Variants in CEP192 observed in about 807,000 individuals in gnomAD.
The protein encoded by CEP192 is centrosomal protein 192.
A neutral mutation model predicts 271.8 loss-of-function variants in CEP192; 151 were observed. That is an observed-to-expected ratio of 0.56 (90% confidence interval 0.49 to 0.64). CEP192 has a LOEUF of 0.64. Ranked by LOEUF, CEP192 falls within the 30% of genes least tolerant of loss-of-function variation. The pLI is 0.00. For missense variants in CEP192, 2,910 were observed against 3,020.5 expected, an observed-to-expected ratio of 0.96 and a Z score of 0.86; for synonymous variants, 995 against 1,076.5, an observed-to-expected ratio of 0.92 and a Z score of 1.48.
At chr18:13,096,082 A>G in intron 35 of CEP192, 102 bp from the exon 36 acceptor site, 2 of 1,183,488 alleles carry the variant, frequency 1.7e-6, no homozygotes, top group Non-Finnish European at 2.4e-6. Flanking sequence ...AAGCAGTAGC[A>G]TACTTGTATA....
intron 22 of CEP192, 61 bp from the exon 23 acceptor site, chr18:13,068,032 TG>T: frequency 6.2e-7 from 1 of 1,603,020 alleles, no homozygotes; most frequent in African/African-American, 1.3e-5. Context: ...TTAAGGATTT[TG>T]TTAGCAAACT....
chr18:13,074,571 T>G (rs1598519667), intron 30 of CEP192, among the ~76,000 whole-genome samples: 1 of 152,142 alleles, frequency 6.6e-6, no homozygotes, highest in South Asian at 2.1e-4. Context: ...AACCTTTGAT[T>G]TAATAATCAA....
intron 4 of CEP192, among the ~76,000 whole-genome samples, chr18:13,011,096 G>A (rs1442156436): frequency 5.3e-5 from 8 of 150,244 alleles, no homozygotes; most frequent in Admixed American, 2.0e-4. Flanking sequence ...GCGTGGTGGC[G>A]GGCGCCTGTA....
At chr18:13,044,689 A>G (rs1292080344) in intron 15 of CEP192, among the ~76,000 whole-genome samples, 1 of 152,162 alleles carries the variant, frequency 6.6e-6, no homozygotes, top group Admixed American at 6.5e-5. Flanking sequence ...TTGATATATC[A>G]TTGGATTTGG....
At position 13,067,877 on chromosome 18, in the gene CEP192, A is replaced by G. The variant is rs1038301464; in HGVS notation, c.4535A>G (p.Tyr1512Cys). The change falls in exon 22 of 45, where the codon TAT becomes TGT. Residue 1512 changes from tyrosine to cysteine, a missense_variant. Physicochemically the swap from Tyr to Cys is radical, Grantham distance 194. Coordinates refer to ENST00000506447, the MANE Select transcript of CEP192 (RefSeq NM_032142.4). The part of the protein sequence containing the change: ...KDVLDFGDLT[Y>C]GGWKALPLKL... ...GTTCTTGATTTTGGTGACTTGACTT[A>G]TGGAGGCTGGAAAGCCCTCCCACTA... 1 of 1,612,856 alleles carries G rather than the reference A, an allele frequency of 6.2e-7. No individual in the cohort carries two copies. Among genetic ancestry groups the G allele is most frequent in the Non-Finnish European group, 8.5e-7 (1 of 1,178,844 alleles).
intron 15 of CEP192, among the ~76,000 whole-genome samples, chr18:13,047,261 G>C (rs2036534318): frequency 6.6e-6 from 1 of 152,190 alleles, no homozygotes; most frequent in African/African-American, 2.4e-5. Flanking sequence ...ATGAGAACCA[G>C]TTGGATGCTG....
At chr18:13,008,702 A>ATT (rs796795541) in intron 4 of CEP192, 71 bp downstream of exon 4, 3,819 of 927,264 alleles carry the variant, frequency 4.1e-3, no homozygotes, top group Middle Eastern at 5.0e-3. Flanking sequence ...TTATCTTTGG[A>ATT]TTTTTTTTTT....
At chr18:13,076,613 G>T (rs2038297811) in intron 30 of CEP192, among the ~76,000 whole-genome samples, 1 of 152,154 alleles carries the variant, frequency 6.6e-6, no homozygotes, top group East Asian at 1.9e-4. Flanking sequence ...GTTTTCAAAG[G>T]TACCTTTTCC....
intron 9 of CEP192, among the ~76,000 whole-genome samples, chr18:13,022,182 A>G (rs2035032590): frequency 6.6e-6 from 1 of 151,584 alleles, no homozygotes; most frequent in South Asian, 2.1e-4. Flanking sequence ...GTTTGACTAT[A>G]TTTATGTGGG....
rs144706010 is a variant in CEP192, at chr18:13,120,332, A to G, written c.7475+2689A>G. Among the ~76,000 whole-genome samples, 866 of 152,332 alleles carry G rather than the reference A, an allele frequency of 5.7e-3. 12 individuals carry two copies. Among genetic ancestry groups the G allele is most frequent in the African/African-American group, 0.02 (829 of 41,574 alleles). On this transcript the variant is annotated intron_variant, in intron 44 of 44. Coordinates refer to ENST00000506447, the MANE Select transcript of CEP192 (RefSeq NM_032142.4). Reference sequence around the variant, plus strand: ...TTTGCTTAGCTTCAACTTGTGTTCTATAAACCACTTTTGAGATATGAAATG... The same window carrying G: ...TTTGCTTAGCTTCAACTTGTGTTCTGTAAACCACTTTTGAGATATGAAATG...
chr18:13,003,821 G>A (rs2033812087), intron 3 of CEP192, among the ~76,000 whole-genome samples: 1 of 152,170 alleles, frequency 6.6e-6, no homozygotes. Flanking sequence ...CACTCTCGCG[G>A]TTATGTGGAA....
chr18:13,040,852 G>C lies in CEP192; in HGVS notation c.1832G>C (p.Arg611Thr). ...VKRPSFGYFI[R>T]SPEKREPIAL... is the part of the protein sequence containing the mutation. Reference sequence around the variant, plus strand: ...TAGCCATCATTTGGCTATTTTATTAGATCACCAGAGAAGAGAGAACCTATT... The same window carrying C: ...TAGCCATCATTTGGCTATTTTATTACATCACCAGAGAAGAGAGAACCTATT... The change falls in exon 14 of 45, where the codon AGA becomes ACA. Residue 611 changes from arginine (R) to threonine (T), a missense_variant. Coordinates refer to ENST00000506447, the MANE Select transcript of CEP192 (RefSeq NM_032142.4). 5 of 1,589,246 alleles carry C rather than the reference G, an allele frequency of 3.1e-6. No individual in the cohort carries two copies. The highest frequency in any genetic ancestry group is 1.2e-5 in the South Asian group (1 of 86,776).
At chr18:13,083,254 C>T (rs1414113850) in intron 30 of CEP192, among the ~76,000 whole-genome samples, 1 of 152,232 alleles carries the variant, frequency 6.6e-6, no homozygotes, top group Non-Finnish European at 1.5e-5. Flanking sequence ...CTTTCAGGTA[C>T]ACCAATCAGA....
chr18:13,116,067 G>A (rs1281554936), intron 42 of CEP192, among the ~76,000 whole-genome samples: 1 of 152,148 alleles, frequency 6.6e-6, no homozygotes, highest in Non-Finnish European at 1.5e-5. Flanking sequence ...AGTACAGTCG[G>A]TACTGCAGCG....
intron 36 of CEP192, among the ~76,000 whole-genome samples, chr18:13,098,339 C>T (rs562726126): frequency 8.9e-4 from 135 of 152,132 alleles, no homozygotes; most frequent in African/African-American, 3.2e-3. Flanking sequence ...ACCTCCCTCC[C>T]GGACAGGGTG....
In CEP192 at chr18:13,116,402, G is replaced by A. The variant is rs1443535733; in HGVS notation, c.7315G>A (p.Val2439Ile). Residue 2439 changes from valine (V) to isoleucine (I), a missense_variant, in exon 43 of 45, where the codon GTT becomes ATT. Val to Ile is a conservative substitution (Grantham distance 29). Transcript: ENST00000506447. ...GCAGCTTGATGTGACTGCTCGTGGA[G>A]TTTATGCCCCAGAGGATGTGTACAG... is the stretch of plus-strand genomic sequence containing the variant. ...PEQLDVTARG[V>I]YAPEDVYRFR... 1.9e-6 allele frequency: 3 copies of A among 1,612,512 alleles called. No homozygotes were observed. The highest frequency in any genetic ancestry group is 2.5e-6 in the Non-Finnish European group (3 of 1,179,672).
At chr18:13,099,170 G>A (rs2039580829) in intron 36 of CEP192, among the ~76,000 whole-genome samples, 3 of 151,034 alleles carry the variant, frequency 2.0e-5, no homozygotes, top group South Asian at 2.1e-4. Context: ...GGAGACCATG[G>A]GGAGAGGGAG....
intron 18 of CEP192, among the ~76,000 whole-genome samples, 159 bp downstream of exon 18, chr18:13,053,249 C>T (rs1186721805): frequency 1.3e-5 from 2 of 152,178 alleles, no homozygotes; most frequent in African/African-American, 4.8e-5. Flanking sequence ...TAAATACCTA[C>T]TCATGCTGGT....
At position 13,029,662 on chromosome 18, in the gene CEP192, G is replaced by T; in HGVS notation, c.1051-1G>T. The T allele has an allele frequency of 6.8e-7, 1 of 1,474,324 alleles. No homozygotes were observed. 91.3% of individuals were successfully genotyped at this position (1,474,324 alleles called of 1,614,324 possible). A position where few individuals can be genotyped will look rare whatever the true frequency, so the allele number is the denominator to read the frequency against. ...AAAAAATCTGATTTTTTGTTTTAAA[G>T]GAATGTGCAAGTAAAGATGTTCTGG... On this transcript the variant is annotated splice_acceptor_variant, in intron 9 of 44. Transcript: ENST00000506447. LOFTEE classifies it high-confidence loss of function.
Sources: allele counts gnomAD v4.1 joint callset (sites outside exome capture counted in the v4.1 genomes callset), GRCh38; gene constraint gnomAD v4.1.1; transcripts MANE v1.5; gene names NCBI Gene and HGNC (gene_info 2026-07-23, HGNC 2026-07-21).